AFAP1: variants seen among roughly 807,000 people sequenced by gnomAD.
AFAP1 encodes actin filament-associated protein 1.
AFAP1 carries 75 observed loss-of-function variants against 93.9 expected under a neutral mutation model. The observed-to-expected ratio is 0.80, with a 90% CI of 0.66 to 0.97. The LOEUF (loss-of-function observed/expected upper bound fraction) is 0.97. Ranked by LOEUF, AFAP1 falls within the 50% of genes least tolerant of loss-of-function variation. AFAP1 has a pLI of 0.00. For synonymous variants in AFAP1, 517 were observed against 430.7 expected, an observed-to-expected ratio of 1.20 and a Z score of -2.48; for missense variants, 1,201 against 1,050.8, an observed-to-expected ratio of 1.14 and a Z score of -1.98.
chr4:7,761,143 TA>T lies in AFAP1; in HGVS notation c.*2621del, dbSNP rs1225155821. On this transcript the variant is annotated 3_prime_UTR_variant, in exon 18 of 18. Transcript: ENST00000420658. ...CTCGCGTGTGTCTAATATGTACAGA[TA>T]TAAATTAAAAACTATATTTATTGAA... is the stretch of plus-strand genomic sequence containing the variant. The T allele has an allele frequency of 6.6e-6, 1 of 152,208 alleles. No individual in the cohort carries two copies. The highest frequency in any genetic ancestry group is 1.5e-5 in the Non-Finnish European group (1 of 68,012). 9.4% of individuals were successfully genotyped at this position (152,208 alleles called of 1,614,324 possible).
chr4:7,917,674 C>T (rs1336506627), intron 1 of AFAP1, among the ~76,000 whole-genome samples: 1 of 152,202 alleles, frequency 6.6e-6, no homozygotes, highest in Non-Finnish European at 1.5e-5. Context: ...TCAACACCAG[C>T]TCTCTCTTCT....
At chr4:7,887,831 AT>A (rs34450871) in intron 1 of AFAP1, among the ~76,000 whole-genome samples, 55,464 of 148,384 alleles carry the variant, frequency 0.37, 11,788 homozygotes, top group Non-Finnish European at 0.51. Flanking sequence ...ATAAAGAACA[AT>A]TTTTTTTTTT....
intron 1 of AFAP1, among the ~76,000 whole-genome samples, chr4:7,916,809 A>C (rs1321260972): frequency 1.3e-5 from 2 of 152,168 alleles, no homozygotes; most frequent in African/African-American, 4.8e-5. Context: ...CCTCCTCTTC[A>C]TGCCCTCTCT....
chr4:7,933,551 C>T lies in AFAP1; in HGVS notation c.-3+6105G>A, dbSNP rs1218569612. Among the ~76,000 whole-genome samples, 4 of 152,192 alleles carry T rather than the reference C, an allele frequency of 2.6e-5. No homozygotes were observed. In the East Asian group the frequency reaches 7.7e-4, roughly 29 times the overall value. On this transcript the variant is annotated intron_variant, in intron 1 of 17. Transcript: ENST00000420658. ...TCACACCACTGCACTCCAGCCTGGG[C>T]AACAGTGCGAGACTCCGTCTCAAAA... is the stretch of plus-strand genomic sequence containing the variant.
chr4:7,917,399 C>T (rs1357954816), intron 1 of AFAP1, among the ~76,000 whole-genome samples: 4 of 152,168 alleles, frequency 2.6e-5, no homozygotes, highest in East Asian at 1.9e-4. Flanking sequence ...GAAGGAAATA[C>T]ACCCAGTGTT....
At chr4:7,924,809 G>C (rs533409578) in intron 1 of AFAP1, among the ~76,000 whole-genome samples, 3 of 152,048 alleles carry the variant, frequency 2.0e-5, no homozygotes, top group South Asian at 2.1e-4. Flanking sequence ...CTTCTCTCTC[G>C]ACAACCCAGA....
chr4:7,795,390 T>G (rs1354145417), intron 10 of AFAP1, among the ~76,000 whole-genome samples: 1 of 149,314 alleles, frequency 6.7e-6, no homozygotes, highest in Non-Finnish European at 1.5e-5. Context: ...TCTTATGTCC[T>G]TCCTAAAACA....
chr4:7,939,859 G>T lies in AFAP1; in HGVS notation c.-206C>A. The T allele has an allele frequency of 4.3e-6, 1 of 234,468 alleles. No homozygotes were observed. The highest frequency in any genetic ancestry group is 4.1e-5 in the South Asian group (1 of 24,606). 14.5% of individuals were successfully genotyped at this position (234,468 alleles called of 1,614,324 possible). On this transcript the variant is annotated 5_prime_UTR_variant, in exon 1 of 18. It adds an upstream start codon to the 5' untranslated region. Transcript: ENST00000420658. The surrounding 1 kb of genome is among the most constrained non-coding windows in gnomAD (Gnocchi z 5.6). Reference sequence around the variant, plus strand: ...CCGGCGTGGGGCTGCGGCCGGGACAGACACCACGCAGGCGCACACGGCCCC... The same window carrying T: ...CCGGCGTGGGGCTGCGGCCGGGACATACACCACGCAGGCGCACACGGCCCC...
At chr4:7,778,919 G>A in intron 13 of AFAP1, 43 bp from the exon 14 acceptor site, 1 of 1,389,712 alleles carries the variant, frequency 7.2e-7, no homozygotes, top group South Asian at 1.3e-5. Context: ...TAAACACAAA[G>A]TCAAACAAAT....
chr4:7,820,804 A>T (rs763416943), intron 6 of AFAP1, among the ~76,000 whole-genome samples: 4 of 152,188 alleles, frequency 2.6e-5, no homozygotes, highest in Non-Finnish European at 5.9e-5. Context: ...TGTCTGACAG[A>T]GTCCACTTTC....
At chr4:7,795,131 C>T (rs1293616644) in intron 10 of AFAP1, among the ~76,000 whole-genome samples, 1 of 152,022 alleles carries the variant, frequency 6.6e-6, no homozygotes, top group Non-Finnish European at 1.5e-5. Flanking sequence ...GTATAAAGGC[C>T]TCTCTAAAGG....
chr4:7,898,571 G>A (rs1718921196), intron 1 of AFAP1, among the ~76,000 whole-genome samples: 1 of 151,248 alleles, frequency 6.6e-6, no homozygotes, highest in African/African-American at 2.4e-5. Flanking sequence ...TGAGGGAAGA[G>A]CATACGGGAA....
chr4:7,793,947 A>C, intron 10 of AFAP1, 121 bp from the exon 11 acceptor site: 1 of 1,145,170 alleles, frequency 8.7e-7, no homozygotes, highest in African/African-American at 1.5e-5. Flanking sequence ...CCTAAGAAGA[A>C]ACGAAAAGGA....
At chr4:7,863,728 A>G (rs1213652304) in intron 3 of AFAP1, among the ~76,000 whole-genome samples, 1 of 152,224 alleles carries the variant, frequency 6.6e-6, no homozygotes, top group African/African-American at 2.4e-5. Context: ...AAAGGTATGA[A>G]GCACTATTAG....
rs761856556 is a variant in AFAP1 at position 7,819,181 on chromosome 4, G to C, written c.727-10C>G. ...AGGCTTCTTTGATCACCTATAAAAA[G>C]CACAGACACTTTGTGAGTATGCCCA... On this transcript the variant is annotated splice_polypyrimidine_tract_variant and intron_variant, in intron 6 of 17. Coordinates refer to ENST00000420658, the MANE Select transcript of AFAP1 (RefSeq NM_001134647.2). 6.2e-7 allele frequency: 1 copy of C among 1,603,574 alleles called. No homozygotes were observed.
At chr4:7,879,422 C>T (rs1717708727) in intron 1 of AFAP1, among the ~76,000 whole-genome samples, 1 of 152,156 alleles carries the variant, frequency 6.6e-6, no homozygotes, top group Non-Finnish European at 1.5e-5. Context: ...ACACCCCAGC[C>T]CCGACACCTG....
At chr4:7,857,280 G>A (rs185579364) in intron 3 of AFAP1, among the ~76,000 whole-genome samples, 136 of 152,166 alleles carry the variant, frequency 8.9e-4, no homozygotes, top group African/African-American at 1.4e-3. Flanking sequence ...CGACTCCATC[G>A]CTTTCTATGT....
At chr4:7,818,054 G>T (rs148178863) in intron 7 of AFAP1, among the ~76,000 whole-genome samples, 3 of 152,144 alleles carry the variant, frequency 2.0e-5, no homozygotes, top group African/African-American at 7.2e-5. Flanking sequence ...GTGTCAATGT[G>T]GGGGGCATCT....
chr4:7,772,824 G>A lies in AFAP1; in HGVS notation c.2249C>T (p.Pro750Leu). The A allele has an allele frequency of 6.2e-7, 1 of 1,613,874 alleles. No homozygotes were observed. The highest frequency in any genetic ancestry group is 8.5e-7 in the Non-Finnish European group (1 of 1,179,938). ...AIEPKSGTSS[P>L]QSPVFRHRTL... ...GTGAGCCAGAAGGACACACACCTGT[G>A]GACTCGATGTCCCTGACTTGGGCTC... Residue 750 changes from proline (P) to leucine (L), a missense_variant, in exon 16 of 18, where the codon CCA becomes CTA. Coordinates refer to ENST00000420658, the MANE Select transcript of AFAP1 (RefSeq NM_001134647.2).
Sources: gnomAD v4.1 joint callset for allele counts (sites outside exome capture counted in the v4.1 genomes callset) on GRCh38, gnomAD v4.1.1 for gene constraint, Gnocchi (gnomAD v3.1) non-coding constraint, MANE v1.5 for transcripts, NCBI Gene and HGNC (gene_info 2026-07-23, HGNC 2026-07-21) for gene names.